The following ERC2 variants were observed in gnomAD, a reference collection of about 807,000 sequenced individuals.
ERC2 encodes the protein ELKS/RAB6-interacting/CAST family member 2, also known as ERC protein 2.
In ERC2, 42 loss-of-function variants were observed where a neutral mutation model predicts 114.8. The ratio of observed to expected loss-of-function variants is 0.37; its 90% CI spans 0.29 to 0.47. ERC2 has a LOEUF of 0.47. Among genes scored for constraint, ERC2 ranks in the 20% least tolerant of loss-of-function variants. The pLI, the probability that ERC2 is intolerant of heterozygous loss-of-function variation, is 0.99. For synonymous variants in ERC2, 454 were observed against 425.5 expected (o/e 1.07, Z -0.82); for missense variants, 939 against 1,150.7 (o/e 0.82, Z 2.66).
intron 12 of ERC2, among the ~76,000 whole-genome samples, chr3:55,966,347 G>C (rs2068747387): frequency 6.6e-6 from 1 of 152,138 alleles, no homozygotes; most frequent in African/African-American, 2.4e-5. Flanking sequence ...CCACCTGGAT[G>C]GCAATGTTTC....
At chr3:55,889,122 G>C (rs563185210) in intron 13 of ERC2, among the ~76,000 whole-genome samples, 111 of 152,168 alleles carry the variant, frequency 7.3e-4, no homozygotes, top group Non-Finnish European at 1.4e-3. Flanking sequence ...CACCATTGAA[G>C]GAAGGCAACA....
intron 2 of ERC2, among the ~76,000 whole-genome samples, chr3:56,379,528 C>A (rs1454172645): frequency 6.6e-6 from 1 of 152,094 alleles, no homozygotes; most frequent in African/African-American, 2.4e-5. Context: ...GAAACTGAGG[C>A]ATAGAAAGTT....
chr3:56,086,421 T>C (rs1425376865), intron 6 of ERC2, among the ~76,000 whole-genome samples: 1 of 152,024 alleles, frequency 6.6e-6, no homozygotes. Context: ...TCAAAGGAAT[T>C]TGGGTCGTGC....
chr3:55,727,659 C>T (rs11914587), intron 15 of ERC2, among the ~76,000 whole-genome samples: 8,349 of 152,148 alleles, frequency 0.055, 664 homozygotes, highest in African/African-American at 0.17. Flanking sequence ...AGAGTTAAAA[C>T]ATTTCTAGGC....
At chr3:55,849,768 T>C (rs2061498058) in intron 14 of ERC2, among the ~76,000 whole-genome samples, 1 of 152,194 alleles carries the variant, frequency 6.6e-6, no homozygotes, top group South Asian at 2.1e-4. Flanking sequence ...TAGCCTGAGA[T>C]TCTGTTTGAC....
intron 3 of ERC2, among the ~76,000 whole-genome samples, chr3:56,198,882 TG>T (rs2048257209): frequency 6.6e-6 from 1 of 152,150 alleles, no homozygotes; most frequent in Non-Finnish European, 1.5e-5. Flanking sequence ...CTCCCAACCT[TG>T]GGGCCGCCAG....
chr3:55,807,535 T>C (rs1329392627), intron 14 of ERC2, among the ~76,000 whole-genome samples: 1 of 152,188 alleles, frequency 6.6e-6, no homozygotes, highest in African/African-American at 2.4e-5. Context: ...TCAGCTCTGC[T>C]ACTGTAGCAC....
chr3:56,407,282 G>A (rs1265476186), intron 2 of ERC2, among the ~76,000 whole-genome samples: 1 of 152,152 alleles, frequency 6.6e-6, no homozygotes, highest in Non-Finnish European at 1.5e-5. Context: ...GGATTCACAG[G>A]AGGGAGGCCC....
intron 7 of ERC2, among the ~76,000 whole-genome samples, chr3:56,077,068 T>G (rs1441519082): frequency 2.0e-5 from 3 of 152,220 alleles, no homozygotes; most frequent in Admixed American, 6.5e-5. Context: ...GCTTATGCTA[T>G]TCCAATCCAA....
At chr3:56,376,090 C>T (rs1031918968) in intron 2 of ERC2, among the ~76,000 whole-genome samples, 4 of 152,320 alleles carry the variant, frequency 2.6e-5, no homozygotes, top group Middle Eastern at 3.4e-3. Context: ...CCAGGTGGCA[C>T]ATTGATTGCA....
At chr3:55,760,468 T>C (rs995687257) in intron 14 of ERC2, among the ~76,000 whole-genome samples, 1 of 152,200 alleles carries the variant, frequency 6.6e-6, no homozygotes, top group Non-Finnish European at 1.5e-5. Context: ...ACACTTGAAA[T>C]AGACTAAGTA....
chr3:56,326,487 T>C (rs1324399423), intron 2 of ERC2, among the ~76,000 whole-genome samples: 1 of 152,182 alleles, frequency 6.6e-6, no homozygotes, highest in African/African-American at 2.4e-5. Context: ...ATAAGAGAAA[T>C]GGTGTTCATG....
chr3:55,616,511 T>A (rs73830684), intron 17 of ERC2, among the ~76,000 whole-genome samples: 1 of 151,568 alleles, frequency 6.6e-6, no homozygotes, highest in East Asian at 1.9e-4. Context: ...TATACACACA[T>A]ATATATATAT....
chr3:56,103,534 G>A (rs1317982253), intron 6 of ERC2, among the ~76,000 whole-genome samples: 1 of 152,090 alleles, frequency 6.6e-6, no homozygotes, highest in Admixed American at 6.5e-5. Flanking sequence ...TAAGCTAGTG[G>A]TTCTCAACCA....
intron 4 of ERC2, among the ~76,000 whole-genome samples, chr3:56,169,510 G>A (rs1189392981): frequency 6.6e-6 from 1 of 152,130 alleles, no homozygotes; most frequent in East Asian, 1.9e-4. Flanking sequence ...TGGAGTTGCT[G>A]TAGCCATTTG....
At chr3:55,897,318 T>A (rs368513228) in intron 13 of ERC2, among the ~76,000 whole-genome samples, 10 of 152,358 alleles carry the variant, frequency 6.6e-5, no homozygotes, top group African/African-American at 1.9e-4. Flanking sequence ...AATATTTTGA[T>A]AAAGCTATTT....
intron 15 of ERC2, among the ~76,000 whole-genome samples, chr3:55,715,502 T>G (rs1157384339): frequency 1.3e-5 from 2 of 152,134 alleles, no homozygotes; most frequent in African/African-American, 4.8e-5. Context: ...TATAGAAGCT[T>G]GGACATTAAG....
chr3:55,808,701 T>TATA (rs2059584205), intron 14 of ERC2, among the ~76,000 whole-genome samples: 2 of 61,728 alleles, frequency 3.2e-5, no homozygotes, highest in Admixed American at 2.2e-4. Context: ...TACCATAATT[T>TATA]TATATATATA....
At chr3:56,452,351 A>T (rs941501819) in intron 1 of ERC2, among the ~76,000 whole-genome samples, 4 of 152,248 alleles carry the variant, frequency 2.6e-5, no homozygotes, top group African/African-American at 9.6e-5. Flanking sequence ...ATCATCACCC[A>T]GTGCACAGCA....
Sources: gnomAD v4.1 joint callset for allele counts (sites outside exome capture counted in the v4.1 genomes callset) on GRCh38, gnomAD v4.1.1 for gene constraint, MANE v1.5 for transcripts, NCBI Gene and HGNC (gene_info 2026-07-23, HGNC 2026-07-21) for gene names.